Variants in SLC45A4 observed in about 807,000 individuals in gnomAD.
The protein encoded by SLC45A4 is solute carrier family 45 member 4, also known as polyamine-transporter SLC45A4.
Under a neutral mutation model 63.7 loss-of-function variants are expected in SLC45A4, and 32 were observed. That is an observed-to-expected ratio of 0.50 (90% CI 0.38 to 0.67). SLC45A4 has a LOEUF of 0.67. Ranked by LOEUF, SLC45A4 falls within the 30% of genes least tolerant of loss-of-function variation. SLC45A4 has a pLI of 0.00. For synonymous variants in SLC45A4, 535 were observed against 510.0 expected, an observed-to-expected ratio of 1.05 and a Z score of -0.66; for missense variants, 1,027 against 1,157.7, an observed-to-expected ratio of 0.89 and a Z score of 1.64.
intron 1 of SLC45A4, among the ~76,000 whole-genome samples, chr8:141,289,109 G>A (rs1199419055): frequency 2.6e-5 from 4 of 152,232 alleles, no homozygotes. Flanking sequence ...GATGGAGTCA[G>A]GGCCTGGGGA....
chr8:141,230,021 G>C, intron 2 of SLC45A4: 1 of 455,208 alleles, frequency 2.2e-6, no homozygotes, highest in East Asian at 7.0e-5. Flanking sequence ...AATGCTGGAA[G>C]GACAACACCA....
chr8:141,215,357 G>C lies in SLC45A4; in HGVS notation c.1941+402C>G, dbSNP rs1481970552. ...ATATGCTATGAAAATGGCCTTCACTGGCCTTTTCACTTTCTAAACGTGGCC... is the reference window on the plus strand; with the variant it reads ...ATATGCTATGAAAATGGCCTTCACTCGCCTTTTCACTTTCTAAACGTGGCC... On this transcript the variant is annotated intron_variant, in intron 7 of 8. Transcript: ENST00000517878. The surrounding 1 kb of genome is among the most constrained non-coding windows in gnomAD (Gnocchi z 4.3). 6.6e-6 allele frequency among the ~76,000 whole-genome samples: 1 copy of C among 152,134 alleles called. No individual in the cohort carries two copies. Among genetic ancestry groups the C allele is most frequent in the Non-Finnish European group, 1.5e-5 (1 of 68,030 alleles).
rs142556309 is a variant in SLC45A4, at chr8:141,233,611, C to T, written c.242-11846G>A. On this transcript the variant is annotated intron_variant, in intron 2 of 8. Coordinates refer to ENST00000517878, the MANE Select transcript of SLC45A4 (RefSeq NM_001286646.2). ...CTGAGGCACAAGCATTGCTTGAACC[C>T]GGGAGGCAGAGGTTGCAGTGAGCCA... Among the ~76,000 whole-genome samples the T allele has an allele frequency of 3.3e-3, 498 of 152,262 alleles. 5 individuals are homozygous for T. The highest frequency in any genetic ancestry group is 0.012 in the African/African-American group (479 of 41,548).
rs1022071153 is a variant in SLC45A4, at chr8:141,208,272, T to A, written c.*3300A>T. The stretch of plus-strand genomic sequence containing the variant: ...TAGCCATATAAGGGAACAGTTGGTA[T>A]CTTTAAGAGTATTTTTCAAACATGT... On this transcript the variant is annotated 3_prime_UTR_variant, in exon 9 of 9. Transcript: ENST00000517878. The A allele has an allele frequency of 2.0e-5, 3 of 152,202 alleles. No individual in the cohort carries two copies. Among genetic ancestry groups the A allele is most frequent in the Admixed American group, 2.0e-4 (3 of 15,286 alleles). 9.4% of individuals were successfully genotyped at this position (152,202 alleles called of 1,614,324 possible).
chr8:141,238,861 A>C (rs1827755828), intron 2 of SLC45A4, among the ~76,000 whole-genome samples: 1 of 152,214 alleles, frequency 6.6e-6, no homozygotes, highest in African/African-American at 2.4e-5. Context: ...GAGGAGCTGC[A>C]GACACGCAGC....
intron 1 of SLC45A4, among the ~76,000 whole-genome samples, chr8:141,282,660 A>G (rs1829997911): frequency 6.6e-6 from 1 of 152,144 alleles, no homozygotes. Flanking sequence ...CTTCAACCCA[A>G]CGTCCAAGGC....
chr8:141,212,145 C>CCCCGGGGGGGGGGGGGG, intron 8 of SLC45A4, 52 bp downstream of exon 8: 1 of 955,996 alleles, frequency 1.0e-6, no homozygotes, highest in Non-Finnish European at 1.3e-6. Context: ...GCCGCCCGCC[C>CCCCGGGGGGGGGGGGGG]GCCCGCCCAC....
chr8:141,263,042 T>C (rs1259128383), intron 1 of SLC45A4, among the ~76,000 whole-genome samples: 1 of 151,666 alleles, frequency 6.6e-6, no homozygotes, highest in African/African-American at 2.4e-5. Context: ...CCATAAAAAA[T>C]GATGAGTTCA....
intron 7 of SLC45A4, among the ~76,000 whole-genome samples, chr8:141,213,488 G>A (rs1158151513): frequency 6.6e-6 from 1 of 152,218 alleles, no homozygotes; most frequent in Admixed American, 6.5e-5. Flanking sequence ...ATAATTCATG[G>A]TTCAAAATAG....
At chr8:141,247,514 T>C (rs1828274231) in intron 2 of SLC45A4, among the ~76,000 whole-genome samples, 1 of 152,238 alleles carries the variant, frequency 6.6e-6, no homozygotes, top group African/African-American at 2.4e-5. Context: ...GCAGGCTTTT[T>C]GTAGAAATTG....
At chr8:141,262,383 A>C (rs1485418997) in intron 1 of SLC45A4, among the ~76,000 whole-genome samples, 9 of 147,668 alleles carry the variant, frequency 6.1e-5, no homozygotes, top group African/African-American at 2.0e-4. Context: ...TAATTAAACT[A>C]AAGAGCTTCT....
chr8:141,229,976 G>C lies in SLC45A4; in HGVS notation c.242-8211C>G. 2.2e-6 allele frequency: 1 copy of C among 444,596 alleles called. No homozygotes were observed. The highest frequency in any genetic ancestry group is 1.6e-5 in the South Asian group (1 of 63,084). 27.5% of individuals were successfully genotyped at this position (444,596 alleles called of 1,614,324 possible). On this transcript the variant is annotated intron_variant, in intron 2 of 8. Transcript: ENST00000517878. This position sits in a 1 kb window ranked among gnomAD's most constrained non-coding sequence, Gnocchi z 5.0. ...TCCCTGCCTGCACTCCCGAGGCCGT[G>C]GTGCTCTGATGACATCCATGGGCAG...
At chr8:141,295,905 C>G (rs1830531729) in intron 1 of SLC45A4, among the ~76,000 whole-genome samples, 1 of 152,216 alleles carries the variant, frequency 6.6e-6, no homozygotes, top group Non-Finnish European at 1.5e-5. Flanking sequence ...GTGCTGGAGC[C>G]CTTGCCCCTC....
intron 1 of SLC45A4, among the ~76,000 whole-genome samples, chr8:141,289,274 C>A (rs924487218): frequency 6.6e-6 from 1 of 152,180 alleles, no homozygotes; most frequent in African/African-American, 2.4e-5. Flanking sequence ...TCGGAGCCAA[C>A]AGGGGTTGTA....
chr8:141,235,766 A>AT (rs1421210636), intron 2 of SLC45A4, among the ~76,000 whole-genome samples: 4 of 152,208 alleles, frequency 2.6e-5, no homozygotes, highest in Admixed American at 1.3e-4. Flanking sequence ...AAGCGTGTGC[A>AT]TGTTCAAAAA....
chr8:141,224,002 G>GTTTTT (rs71322119), intron 2 of SLC45A4, among the ~76,000 whole-genome samples: 2 of 145,268 alleles, frequency 1.4e-5, no homozygotes, highest in Non-Finnish European at 1.5e-5. Context: ...ATTTTCTGTA[G>GTTTTT]TTTTTTTTTT....
At chr8:141,236,405 T>C (rs1569558433) in intron 2 of SLC45A4, among the ~76,000 whole-genome samples, 1 of 152,242 alleles carries the variant, frequency 6.6e-6, no homozygotes, top group East Asian at 1.9e-4. Flanking sequence ...TAACAGTTAC[T>C]TCCAACTCAA....
In SLC45A4 at chr8:141,256,453, A is replaced by G. The variant is rs1828779488; in HGVS notation, c.-400-1824T>C. ...TCTTTCTCCCCAGAGGAGACCAGAA[A>G]CCTCGAGGTGCTGTCTTCACTCGGC... On this transcript the variant is annotated intron_variant, in intron 1 of 8. Transcript: ENST00000517878. This position sits in a 1 kb window ranked among gnomAD's most constrained non-coding sequence, Gnocchi z 4.3. 1 of 431,800 alleles carries G rather than the reference A, an allele frequency of 2.3e-6. No homozygotes were observed. Among genetic ancestry groups the G allele is most frequent in the South Asian group, 1.6e-5 (1 of 63,072 alleles). 26.7% of individuals were successfully genotyped at this position (431,800 alleles called of 1,614,324 possible).
rs551699659 is a variant in SLC45A4 at position 141,270,858 on chromosome 8, A to G, written c.-400-16229T>C. On this transcript the variant is annotated intron_variant, in intron 1 of 8. Transcript: ENST00000517878. ...TCCCCACGGCACCACCAGCTCGACC[A>G]GCTCGTACCTCCCTGTCTAGTCAGT... 3.8e-3 allele frequency among the ~76,000 whole-genome samples: 572 copies of G among 152,208 alleles called. 4 individuals carry two copies. The highest frequency in any genetic ancestry group is 0.015 in the South Asian group (72 of 4,812).
Sources: gnomAD v4.1 joint callset for allele counts (sites outside exome capture counted in the v4.1 genomes callset) on GRCh38, gnomAD v4.1.1 for gene constraint, Gnocchi (gnomAD v3.1) non-coding constraint, MANE v1.5 for transcripts, NCBI Gene and HGNC (gene_info 2026-07-23, HGNC 2026-07-21) for gene names.